The following MKLN1 variants were observed in gnomAD, a reference collection of about 807,000 sequenced individuals.
The protein encoded by MKLN1 is muskelin 1.
MKLN1 carries 18 observed loss-of-function variants against 99.0 expected under a neutral mutation model. That is an observed-to-expected ratio of 0.18 (90% confidence interval 0.13 to 0.27). The LOEUF is 0.27. Ranked by LOEUF, MKLN1 falls within the 10% of genes least tolerant of loss-of-function variation. The pLI is 1.00. For synonymous variants in MKLN1, 288 were observed against 293.2 expected (o/e 0.98, Z 0.18); for missense variants, 621 against 875.9 (o/e 0.71, Z 3.67).
At position 131,468,626 on chromosome 7, in the gene MKLN1, A is replaced by T. The variant is rs150200304; in HGVS notation, c.1928+2211A>T. Among the ~76,000 whole-genome samples, 23 of 152,302 alleles carry T rather than the reference A, an allele frequency of 1.5e-4. 1 individual carries two copies. In the East Asian group the frequency reaches 3.9e-3, roughly 26 times the overall value. On this transcript the variant is annotated intron_variant, in intron 15 of 17. Coordinates refer to ENST00000352689, the MANE Select transcript of MKLN1 (RefSeq NM_013255.5). The stretch of plus-strand genomic sequence containing the variant: ...ACTATTATTTTTTCATACGACATTC[A>T]GGTTTCCAAACTTGATGATTTGAGG...
chr7:131,293,584 G>A (rs1311399653), intron 3 of MKLN1, among the ~76,000 whole-genome samples: 5 of 152,152 alleles, frequency 3.3e-5, no homozygotes, highest in South Asian at 2.1e-4. Context: ...TGAGGTGGAA[G>A]GATCACCTGA....
chr7:131,201,548 G>A (rs997286593), intron 2 of MKLN1, among the ~76,000 whole-genome samples: 2 of 152,166 alleles, frequency 1.3e-5, no homozygotes, highest in African/African-American at 4.8e-5. Context: ...AAATGAATAA[G>A]GTTACTGGGT....
intron 2 of MKLN1, among the ~76,000 whole-genome samples, chr7:131,179,296 T>C (rs752340704): frequency 3.9e-5 from 6 of 152,202 alleles, no homozygotes; most frequent in Admixed American, 1.3e-4. Context: ...AAATGAGCCC[T>C]GTCTTGATGG....
At chr7:131,174,798 G>A (rs545448418) in intron 2 of MKLN1, among the ~76,000 whole-genome samples, 1 of 152,242 alleles carries the variant, frequency 6.6e-6, no homozygotes, top group African/African-American at 2.4e-5. Context: ...TACCTGCCAA[G>A]TTGAATTAAA....
chr7:131,486,607 A>C (rs1459709618), intron 17 of MKLN1, among the ~76,000 whole-genome samples: 1 of 152,112 alleles, frequency 6.6e-6, no homozygotes, highest in East Asian at 1.9e-4. Flanking sequence ...AGTCACTTTC[A>C]CTGAACACCA....
At chr7:131,222,949 T>C (rs866699034) in intron 3 of MKLN1, among the ~76,000 whole-genome samples, 2 of 151,462 alleles carry the variant, frequency 1.3e-5, no homozygotes, top group Non-Finnish European at 2.9e-5. Context: ...GGCTGAGGCA[T>C]GAGAATGGTT....
At chr7:131,434,008 C>T (rs554950979) in intron 9 of MKLN1, among the ~76,000 whole-genome samples, 5 of 151,932 alleles carry the variant, frequency 3.3e-5, no homozygotes, top group South Asian at 4.2e-4. Context: ...CTCAGCCTCC[C>T]GAGTAGCTGA....
At position 131,487,727 on chromosome 7, in the gene MKLN1, A is replaced by G; in HGVS notation, c.2207A>G (p.Ter736=). 1 of 1,610,414 alleles carries G rather than the reference A, an allele frequency of 6.2e-7. No homozygotes were observed. ...KGNLVDLITL[*] is the part of the protein sequence containing the mutation. ...AACCTGGTAGACCTCATCACACTGT[A>G]ACTGAAGAGTCACTGGACACAGAAA... The change falls in exon 18 of 18, where the codon TAA becomes TGA. Residue 736 remains the stop codon, a stop_retained_variant. Coordinates refer to ENST00000352689, the MANE Select transcript of MKLN1 (RefSeq NM_013255.5). This position sits in a 1 kb window ranked among gnomAD's most constrained non-coding sequence, Gnocchi z 4.7.
In MKLN1 at chr7:131,495,221, C is replaced by T. The variant is rs887334115; in HGVS notation, c.*7493C>T. On this transcript the variant is annotated 3_prime_UTR_variant, in exon 18 of 18. Coordinates refer to ENST00000352689, the MANE Select transcript of MKLN1 (RefSeq NM_013255.5). ...ATCCCCTCTGATAGAGATAGATTCT[C>T]AAAACCAAAATTGGACTGAAAATTA... 1 of 152,152 alleles carries T rather than the reference C, an allele frequency of 6.6e-6. No individual in the cohort carries two copies. Among genetic ancestry groups the T allele is most frequent in the Non-Finnish European group, 1.5e-5 (1 of 68,026 alleles). 9.4% of individuals were successfully genotyped at this position (152,152 alleles called of 1,614,324 possible). A position where few individuals can be genotyped will look rare whatever the true frequency, so the allele number is the denominator to read the frequency against.
chr7:131,330,504 A>G (rs1317556539), intron 1 of MKLN1, among the ~76,000 whole-genome samples: 2 of 152,230 alleles, frequency 1.3e-5, no homozygotes, highest in African/African-American at 2.4e-5. Flanking sequence ...TGTTGGAAGC[A>G]GGTAGGGAGA....
Position 131,252,329 on chromosome 7 carries a change from C to CTTTTTTTTTTTTTTTTT in MKLN1, c.-179+49356_-179+49372dup, listed in dbSNP as rs60581249. 3.4e-5 allele frequency among the ~76,000 whole-genome samples: 4 copies of CTTTTTTTTTTTTTTTTT among 118,532 alleles called. 1 individual carries two copies. The highest frequency in any genetic ancestry group is 6.7e-5 in the Non-Finnish European group (4 of 60,040). 77.8% of individuals were successfully genotyped at this position (118,532 alleles called of 152,430 possible). A position where few individuals can be genotyped will look rare whatever the true frequency, so the allele number is the denominator to read the frequency against. On this transcript the variant is annotated intron_variant, in intron 3 of 7. Transcript: ENST00000416992. ...CATAGTGAAAGGACTTTTTTCTTTT[C>CTTTTTTTTTTTTTTTTT]TTTTTTTTTTTTTTTTTGAGATGGA...
At chr7:131,397,987 TAA>T (rs1245354718) in intron 5 of MKLN1, among the ~76,000 whole-genome samples, 5 of 152,210 alleles carry the variant, frequency 3.3e-5, no homozygotes, top group Admixed American at 2.0e-4. Context: ...AGTTGTTAAT[TAA>T]TTATAGTTAA....
chr7:131,369,630 G>T (rs530403255), intron 1 of MKLN1, among the ~76,000 whole-genome samples: 50 of 152,164 alleles, frequency 3.3e-4, no homozygotes, highest in Non-Finnish European at 6.6e-4. Flanking sequence ...GAGTTGCAGA[G>T]AATTTTGTCC....
chr7:131,399,818 A>G (rs1028994122), intron 6 of MKLN1, among the ~76,000 whole-genome samples: 1 of 152,196 alleles, frequency 6.6e-6, no homozygotes, highest in Non-Finnish European at 1.5e-5. Context: ...GTAAACAATT[A>G]TATATAAGGA....
intron 1 of MKLN1, among the ~76,000 whole-genome samples, chr7:131,342,637 G>A (rs1799441929): frequency 6.6e-6 from 1 of 152,076 alleles, no homozygotes; most frequent in Non-Finnish European, 1.5e-5. Context: ...TTGATGACTG[G>A]GAAGTGAGAG....
intron 1 of MKLN1, among the ~76,000 whole-genome samples, chr7:131,347,812 A>G (rs557588172): frequency 6.6e-6 from 1 of 152,320 alleles, no homozygotes; most frequent in South Asian, 2.1e-4. Flanking sequence ...GATTAATATT[A>G]CTAGTAAGCT....
At chr7:131,173,830 T>TA (rs942403474) in intron 2 of MKLN1, among the ~76,000 whole-genome samples, 1 of 152,224 alleles carries the variant, frequency 6.6e-6, no homozygotes, top group African/African-American at 2.4e-5. Flanking sequence ...GGAGCTGAAT[T>TA]AAAAAAACAA....
intron 3 of MKLN1, among the ~76,000 whole-genome samples, chr7:131,317,462 A>C (rs1409996063): frequency 6.6e-6 from 1 of 152,210 alleles, no homozygotes; most frequent in African/African-American, 2.4e-5. Context: ...GAAGCACTAA[A>C]TATGGAAAGG....
intron 2 of MKLN1, among the ~76,000 whole-genome samples, chr7:131,145,134 C>T (rs1286218761): frequency 4.6e-5 from 7 of 152,162 alleles, no homozygotes. Flanking sequence ...AACAAATTTA[C>T]AGATGACACA....
Sources: allele counts gnomAD v4.1 joint callset (sites outside exome capture counted in the v4.1 genomes callset), GRCh38; gene constraint gnomAD v4.1.1; non-coding constraint Gnocchi (gnomAD v3.1); transcripts MANE v1.5; gene names NCBI Gene and HGNC (gene_info 2026-07-23, HGNC 2026-07-21).